The following CABIN1 variants were observed in gnomAD, a reference collection of about 807,000 sequenced individuals.
The protein encoded by CABIN1 is calcineurin-binding protein cabin-1.
A neutral mutation model predicts 227.7 loss-of-function variants in CABIN1; 133 were observed. The observed-to-expected ratio is 0.58, with a 90% CI of 0.51 to 0.67. The LOEUF (loss-of-function observed/expected upper bound fraction) is 0.67, where lower values mean the gene tolerates loss of function less well. Among genes scored for constraint, CABIN1 ranks in the 30% least tolerant of loss-of-function variants. The probability of loss-of-function intolerance (pLI) is 0.00; values close to 1 mark genes in which losing one functional copy is unlikely to be tolerated. For missense variants in CABIN1, 2,408 were observed against 2,852.5 expected (o/e 0.84, Z 3.55); for synonymous variants, 1,086 against 1,155.1 (o/e 0.94, Z 1.21).
intron 25 of CABIN1, among the ~76,000 whole-genome samples, chr22:24,097,558 G>T (rs2041966803): frequency 6.6e-6 from 1 of 152,202 alleles, no homozygotes; most frequent in Admixed American, 6.5e-5. Context: ...GACATTTAGA[G>T]TGTTTCTAAT....
At chr22:24,050,558 G>A (rs1426694922) in intron 7 of CABIN1, among the ~76,000 whole-genome samples, 1 of 152,192 alleles carries the variant, frequency 6.6e-6, no homozygotes, top group Non-Finnish European at 1.5e-5. Context: ...AGATATTATT[G>A]TGATAGTGTT....
chr22:24,112,614 C>T (rs2042871470), intron 26 of CABIN1, among the ~76,000 whole-genome samples: 1 of 152,094 alleles, frequency 6.6e-6, no homozygotes, highest in Non-Finnish European at 1.5e-5. Context: ...TCTCTGTTGT[C>T]TTGGTCCCAG....
Position 24,168,381 on chromosome 22 carries a change from G to C in CABIN1, c.5683-66G>C. On this transcript the variant is annotated intron_variant, in intron 32 of 36. Coordinates refer to ENST00000263119, the MANE Select transcript of CABIN1 (RefSeq NM_012295.4). ...TAGGCTGGTCTGTGCTACATACACA[G>C]ACAGGGCTGGGGGAGGCTAACCACA... is the stretch of plus-strand genomic sequence containing the variant. 3 of 1,487,334 alleles carry C rather than the reference G, an allele frequency of 2.0e-6. No individual in the cohort carries two copies. In the Admixed American group the frequency reaches 5.9e-5, roughly 29 times the overall value. 92.1% of individuals were successfully genotyped at this position (1,487,334 alleles called of 1,614,324 possible). A position where few individuals can be genotyped will look rare whatever the true frequency, so the allele number is the denominator to read the frequency against.
chr22:24,062,853 C>G, intron 13 of CABIN1, 106 bp from the exon 14 acceptor site: 1 of 1,078,980 alleles, frequency 9.3e-7, no homozygotes. Flanking sequence ...TTAGGGTGCC[C>G]CTGGAGATAG....
intron 3 of CABIN1, 120 bp downstream of exon 3, chr22:24,036,301 G>A: frequency 1.3e-6 from 1 of 765,778 alleles, no homozygotes; most frequent in South Asian, 1.4e-5. Context: ...CATTTTGAAA[G>A]ATGGCTAGCT....
In CABIN1 at chr22:24,177,794, G is replaced by A. The variant is rs753533990; in HGVS notation, c.6496G>A (p.Glu2166Lys). The change falls in exon 36 of 37, where the codon GAG (glutamate) becomes AAG (lysine). Residue 2166 changes from glutamate to lysine, a missense_variant. Physicochemically the swap from Glu to Lys is moderately conservative, Grantham distance 56. Coordinates refer to ENST00000263119, the MANE Select transcript of CABIN1 (RefSeq NM_012295.4). The surrounding 1 kb of genome is among the most constrained non-coding windows in gnomAD (Gnocchi z 4.4). Reference sequence around the variant, plus strand: ...GCTCTCCCCCAAAGGCAGCATCTCGGAGGAGACCAAGCAGAAGCTGAAGGT... The same window carrying A: ...GCTCTCCCCCAAAGGCAGCATCTCGAAGGAGACCAAGCAGAAGCTGAAGGT... Reference protein sequence around the residue: ...TLLSPKGSISEETKQKLKSAI... With the variant: ...TLLSPKGSISKETKQKLKSAI... 1 of 1,608,328 alleles carries A rather than the reference G, an allele frequency of 6.2e-7. No individual in the cohort carries two copies. Among genetic ancestry groups the A allele is most frequent in the Non-Finnish European group, 8.5e-7 (1 of 1,176,124 alleles).
intron 23 of CABIN1, among the ~76,000 whole-genome samples, chr22:24,088,547 GC>G (rs1405674586): frequency 6.6e-6 from 1 of 152,056 alleles, no homozygotes; most frequent in Non-Finnish European, 1.5e-5. Flanking sequence ...GGCAGAGGTT[GC>G]AGGGAGCTGA....
intron 1 of CABIN1, among the ~76,000 whole-genome samples, chr22:24,014,315 G>A (rs2035070636): frequency 6.6e-6 from 1 of 152,064 alleles, no homozygotes; most frequent in Non-Finnish European, 1.5e-5. Flanking sequence ...TATTCTATGA[G>A]TTAAAATTCA....
At chr22:24,085,718 T>C (rs1251062006) in intron 22 of CABIN1, among the ~76,000 whole-genome samples, 1 of 152,250 alleles carries the variant, frequency 6.6e-6, no homozygotes, top group East Asian at 1.9e-4. Context: ...TCTCTTAAAA[T>C]GTAGTGATTG....
At chr22:24,163,928 A>G (rs1201478275) in intron 29 of CABIN1, among the ~76,000 whole-genome samples, 2 of 152,230 alleles carry the variant, frequency 1.3e-5, no homozygotes, top group East Asian at 1.9e-4. Context: ...GCTGCAGATG[A>G]TTCTCTGGGC....
Position 24,134,422 on chromosome 22 carries a change from A to G in CABIN1, c.4746+7A>G. 6.2e-7 allele frequency: 1 copy of G among 1,606,824 alleles called. No individual in the cohort carries two copies. The highest frequency in any genetic ancestry group is 8.5e-7 in the Non-Finnish European group (1 of 1,173,436). ...CAAGACCAATTTCTTCAACGTGAGT[A>G]CTTTGCCTTGTTGATTTCCAAGGCT... is the stretch of plus-strand genomic sequence containing the variant. On this transcript the variant is annotated splice_region_variant and intron_variant, in intron 29 of 36. Transcript: ENST00000263119.
At chr22:24,128,571 A>G (rs115027456) in intron 28 of CABIN1, among the ~76,000 whole-genome samples, 2,423 of 152,178 alleles carry the variant, frequency 0.016, 51 homozygotes, top group African/African-American at 0.055. Context: ...CCTATAGAAC[A>G]CTACTCCAAG....
intron 18 of CABIN1, among the ~76,000 whole-genome samples, chr22:24,075,966 A>G (rs2040410853): frequency 6.6e-6 from 1 of 151,148 alleles, no homozygotes; most frequent in East Asian, 1.9e-4. Context: ...TTGTGTTTTG[A>G]TAAGCGTGTA....
rs371400490 is a variant in CABIN1, at chr22:24,096,007, T to G, written c.3863T>G (p.Val1288Gly). ...TCTGGGGTTGGTGCAGAGGTCCTGGTCAACTTTATGAAGGAGGCTGCAGAA... is the reference window on the plus strand; with the variant it reads ...TCTGGGGTTGGTGCAGAGGTCCTGGGCAACTTTATGAAGGAGGCTGCAGAA... ...PDSGVGAEVL[V>G]NFMKEAAEGP... Residue 1288 changes from valine (V) to glycine (G), a missense_variant, in exon 25 of 37, where the codon GTC becomes GGC. Val to Gly is a moderately radical substitution (Grantham distance 109). This residue lies in a region of CABIN1 where 649 missense variants were observed against 910.3 expected (regional missense o/e 0.71). Coordinates refer to ENST00000263119, the MANE Select transcript of CABIN1 (RefSeq NM_012295.4). 3.7e-6 allele frequency: 6 copies of G among 1,614,100 alleles called. No homozygotes were observed. The highest frequency in any genetic ancestry group is 5.1e-6 in the Non-Finnish European group (6 of 1,180,002).
rs922626073 is a variant in CABIN1 at position 24,033,962 on chromosome 22, C to T, written c.-74-1482C>T. Reference sequence around the variant, plus strand: ...AAACCAGCGGTTCCCATCCATTTGGCACCAGGGACTGGTTTCTTGGAAGAC... The same window carrying T: ...AAACCAGCGGTTCCCATCCATTTGGTACCAGGGACTGGTTTCTTGGAAGAC... On this transcript the variant is annotated intron_variant, in intron 1 of 36. Transcript: ENST00000263119. Among the ~76,000 whole-genome samples the T allele has an allele frequency of 3.3e-5, 5 of 152,340 alleles. No individual in the cohort carries two copies. In the South Asian group the frequency reaches 8.3e-4, roughly 25 times the overall value.
chr22:24,087,337 C>A, intron 22 of CABIN1, 115 bp from the exon 23 acceptor site: 1 of 1,368,630 alleles, frequency 7.3e-7, no homozygotes. Context: ...GCTCTGAGCC[C>A]TGGTGTGGGA....
intron 28 of CABIN1, among the ~76,000 whole-genome samples, chr22:24,129,887 G>A (rs2043970101): frequency 6.6e-6 from 1 of 152,228 alleles, no homozygotes; most frequent in Admixed American, 6.5e-5. Context: ...CCAGCGGGTA[G>A]GCAGGTAGAC....
At chr22:24,085,255 G>A in intron 22 of CABIN1, 104 bp downstream of exon 22, 1 of 1,225,046 alleles carries the variant, frequency 8.2e-7, no homozygotes, top group Non-Finnish European at 1.2e-6. Context: ...CCTGTCCATT[G>A]CAAAGAGACC....
chr22:24,019,116 TGTTG>T (rs1238183141), intron 1 of CABIN1, among the ~76,000 whole-genome samples: 3 of 136,216 alleles, frequency 2.2e-5, no homozygotes, highest in African/African-American at 8.2e-5. Context: ...CTTCACTGAG[TGTTG>T]TTTTTTTTTT....
Sources: gnomAD v4.1 joint callset for allele counts (sites outside exome capture counted in the v4.1 genomes callset) on GRCh38, gnomAD v4.1.1 for gene constraint, gnomAD v4.1.1 regional missense constraint, Gnocchi (gnomAD v3.1) non-coding constraint, MANE v1.5 for transcripts, NCBI Gene and HGNC (gene_info 2026-07-23, HGNC 2026-07-21) for gene names.